The following KLHL1 variants were observed in gnomAD, a reference collection of about 807,000 sequenced individuals.
KLHL1 encodes the protein kelch like family member 1.
Under a neutral mutation model 77.7 loss-of-function variants are expected in KLHL1, and 47 were observed. The observed-to-expected ratio is 0.60, with a 90% CI of 0.48 to 0.77. KLHL1 has a LOEUF of 0.77. KLHL1 is among the 30% of genes least tolerant of loss of function. The probability of loss-of-function intolerance (pLI) is 0.00; values close to 1 mark genes in which losing one functional copy is unlikely to be tolerated. For synonymous variants in KLHL1, 360 were observed against 325.2 expected, an observed-to-expected ratio of 1.11 and a Z score of -1.15; for missense variants, 925 against 910.8, an observed-to-expected ratio of 1.02 and a Z score of -0.20.
intron 2 of KLHL1, among the ~76,000 whole-genome samples, chr13:69,966,699 T>A (rs1228351537): frequency 6.6e-6 from 1 of 152,144 alleles, no homozygotes; most frequent in East Asian, 1.9e-4. Context: ...GTTTTTAGGG[T>A]ATCCATCATC....
At chr13:69,936,370 C>A (rs150982100) in intron 4 of KLHL1, among the ~76,000 whole-genome samples, 1 of 151,968 alleles carries the variant, frequency 6.6e-6, no homozygotes, top group African/African-American at 2.4e-5. Context: ...AGGTGGATGA[C>A]CTAAGGTCAG....
chr13:70,037,713 T>C (rs1394717258), intron 1 of KLHL1, among the ~76,000 whole-genome samples: 4 of 152,144 alleles, frequency 2.6e-5, no homozygotes, highest in African/African-American at 7.2e-5. Flanking sequence ...TTGTGTTCCA[T>C]GAAGTAGATT....
At chr13:69,828,846 G>A (rs1878651747) in intron 6 of KLHL1, among the ~76,000 whole-genome samples, 1 of 149,962 alleles carries the variant, frequency 6.7e-6, no homozygotes, top group Admixed American at 6.7e-5. Flanking sequence ...CCCTGGGAAA[G>A]TAACTCCATT....
intron 3 of KLHL1, among the ~76,000 whole-genome samples, chr13:69,949,411 C>T (rs150616481): frequency 0.01 from 1,556 of 151,720 alleles, 26 homozygotes; most frequent in African/African-American, 0.035. Context: ...GATTATTAGA[C>T]TGGGGTTATG....
At chr13:70,043,688 TA>T (rs1213205766) in intron 1 of KLHL1, among the ~76,000 whole-genome samples, 5 of 152,216 alleles carry the variant, frequency 3.3e-5, no homozygotes, top group Non-Finnish European at 5.9e-5. Flanking sequence ...AGTAACTAGC[TA>T]TACAGGTTTG....
At chr13:69,909,765 A>C (rs1277353050) in intron 4 of KLHL1, among the ~76,000 whole-genome samples, 4 of 152,142 alleles carry the variant, frequency 2.6e-5, no homozygotes, top group African/African-American at 9.6e-5. Flanking sequence ...AAAGATAAAT[A>C]GAAAATCTAG....
intron 7 of KLHL1, among the ~76,000 whole-genome samples, chr13:69,770,035 G>T (rs1232799917): frequency 6.6e-6 from 1 of 152,124 alleles, no homozygotes; most frequent in African/African-American, 2.4e-5. Context: ...TTGTTCACTG[G>T]ACTGTGAACA....
At chr13:70,055,161 G>A (rs1176833382) in intron 1 of KLHL1, among the ~76,000 whole-genome samples, 1 of 151,958 alleles carries the variant, frequency 6.6e-6, no homozygotes, top group East Asian at 1.9e-4. Flanking sequence ...ATAAAGAAAG[G>A]GTCATAAAAT....
At chr13:69,855,132 T>C (rs926379948) in intron 5 of KLHL1, among the ~76,000 whole-genome samples, 3 of 151,988 alleles carry the variant, frequency 2.0e-5, no homozygotes, top group African/African-American at 4.8e-5. Flanking sequence ...AGTTGAAATC[T>C]ATATTGAGAA....
At chr13:69,965,492 C>A (rs1210791232) in intron 2 of KLHL1, among the ~76,000 whole-genome samples, 1 of 152,138 alleles carries the variant, frequency 6.6e-6, no homozygotes, top group Admixed American at 6.6e-5. Flanking sequence ...CTCCATGGGT[C>A]TCCCTGTTCC....
Position 70,040,049 on chromosome 13 carries a change from C to T in KLHL1, c.498-64247G>A, listed in dbSNP as rs372337199. On this transcript the variant is annotated intron_variant, in intron 1 of 10. Transcript: ENST00000377844. ...AAATCCCCTTATGCCAACATTTCAC[C>T]AGTTGTAATGAAATGTCAAAATCAT... 7.9e-5 allele frequency among the ~76,000 whole-genome samples: 12 copies of T among 152,184 alleles called. No individual in the cohort carries two copies. The East Asian group carries it at 1.7e-3, about 22-fold the overall frequency.
intron 6 of KLHL1, among the ~76,000 whole-genome samples, chr13:69,798,763 A>G (rs75165195): frequency 0.011 from 1,587 of 150,524 alleles, 29 homozygotes; most frequent in African/African-American, 0.038. Flanking sequence ...ATGCATAACT[A>G]AAAATTAAGA....
intron 2 of KLHL1, among the ~76,000 whole-genome samples, chr13:69,965,917 A>T (rs1359823770): frequency 6.6e-6 from 1 of 152,200 alleles, no homozygotes; most frequent in Non-Finnish European, 1.5e-5. Context: ...ACGAAACTGC[A>T]GAAGAAAAGT....
At chr13:69,908,494 A>C (rs2138238966) in intron 4 of KLHL1, among the ~76,000 whole-genome samples, 1 of 150,470 alleles carries the variant, frequency 6.6e-6, no homozygotes, top group East Asian at 1.9e-4. Context: ...ACATTTATAT[A>C]GTTTATTTAC....
chr13:70,095,066 T>G (rs1032475980), intron 1 of KLHL1, among the ~76,000 whole-genome samples: 1 of 152,166 alleles, frequency 6.6e-6, no homozygotes, highest in African/African-American at 2.4e-5. Context: ...AACGTAGAAT[T>G]GATTTATACA....
intron 5 of KLHL1, among the ~76,000 whole-genome samples, chr13:69,871,880 A>G (rs1366519284): frequency 6.6e-6 from 1 of 151,970 alleles, no homozygotes; most frequent in Non-Finnish European, 1.5e-5. Context: ...AATCTCTAAG[A>G]AGTTCCAAAA....
chr13:69,993,051 A>C (rs185124893), intron 1 of KLHL1, among the ~76,000 whole-genome samples: 1 of 152,128 alleles, frequency 6.6e-6, no homozygotes, highest in East Asian at 1.9e-4. Context: ...TTTTAGTGTC[A>C]ACTAACACTA....
At chr13:69,942,926 C>T (rs775728919) in intron 3 of KLHL1, among the ~76,000 whole-genome samples, 1 of 152,056 alleles carries the variant, frequency 6.6e-6, no homozygotes, top group Non-Finnish European at 1.5e-5. Context: ...TTATATGTTA[C>T]ATTTACTTGT....
chr13:69,855,288 TTAGATAGATAGA>T (rs200890874), intron 5 of KLHL1, among the ~76,000 whole-genome samples: 30,777 of 141,712 alleles, frequency 0.22, 3,906 homozygotes, highest in East Asian at 0.28. Context: ...CGTACTAATT[TTAGATAGATAGA>T]TAGATAGATA....
Sources: gnomAD v4.1 joint callset for allele counts (sites outside exome capture counted in the v4.1 genomes callset) on GRCh38, gnomAD v4.1.1 for gene constraint, MANE v1.5 for transcripts, NCBI Gene and HGNC (gene_info 2026-07-23, HGNC 2026-07-21) for gene names.